The following APP variants were observed in gnomAD, a reference collection of about 807,000 sequenced individuals.
APP encodes amyloid-beta precursor protein.
In APP, 31 loss-of-function variants were observed where a neutral mutation model predicts 101.4. The observed-to-expected ratio is 0.31, with a 90% CI of 0.23 to 0.41. The LOEUF (loss-of-function observed/expected upper bound fraction) is 0.41. Among genes scored for constraint, APP ranks in the 10% least tolerant of loss-of-function variants. The pLI is 1.00. For missense variants in APP, 839 were observed against 1,003.7 expected (o/e 0.84, Z 2.22); for synonymous variants, 366 against 364.4 (o/e 1.00, Z -0.05).
intron 13 of APP, chr21:25,942,220 A>G (rs2040604581): frequency 2.0e-5 from 3 of 152,194 alleles, no homozygotes; most frequent in South Asian, 2.1e-4. Context: ...CGCATTTTCA[A>G]TGAAAAGATG....
intron 8 of APP, among the ~76,000 whole-genome samples, chr21:25,991,451 C>T (rs2042860411): frequency 6.6e-6 from 1 of 152,184 alleles, no homozygotes; most frequent in Non-Finnish European, 1.5e-5. Context: ...GATCTCAGCT[C>T]ACTGCAACCT....
At chr21:25,967,619 T>C (rs1601057791) in intron 11 of APP, among the ~76,000 whole-genome samples, 1 of 152,184 alleles carries the variant, frequency 6.6e-6, no homozygotes, top group Non-Finnish European at 1.5e-5. Context: ...TGGCCTTTGG[T>C]TTAACTGTAC....
At chr21:26,018,442 C>T (rs1249618823) in intron 6 of APP, among the ~76,000 whole-genome samples, 1 of 152,222 alleles carries the variant, frequency 6.6e-6, no homozygotes, top group Non-Finnish European at 1.5e-5. Context: ...GTTGCCATTG[C>T]TCTCAATTAG....
chr21:26,063,235 T>C (rs940436485), intron 3 of APP, among the ~76,000 whole-genome samples: 4 of 152,228 alleles, frequency 2.6e-5, no homozygotes, highest in East Asian at 1.9e-4. Context: ...TAGCTTAATA[T>C]AGACTAGATA....
At chr21:26,058,448 A>G (rs2046128772) in intron 3 of APP, among the ~76,000 whole-genome samples, 1 of 152,244 alleles carries the variant, frequency 6.6e-6, no homozygotes, top group Admixed American at 6.5e-5. Flanking sequence ...TGAATATCAA[A>G]CAGGCGAGTA....
intron 11 of APP, among the ~76,000 whole-genome samples, chr21:25,963,065 C>T (rs1010609797): frequency 6.6e-6 from 1 of 152,118 alleles, no homozygotes; most frequent in African/African-American, 2.4e-5. Flanking sequence ...CCACCTGCCT[C>T]GGCCTCCCAA....
rs552687249 is a variant in APP, at chr21:25,958,668, T to G, written c.1459-2913A>C. Among the ~76,000 whole-genome samples, 4 of 152,298 alleles carry G rather than the reference T, an allele frequency of 2.6e-5. No homozygotes were observed. In the East Asian group the frequency reaches 5.8e-4, roughly 22 times the overall value. On this transcript the variant is annotated intron_variant, in intron 11 of 17. Transcript: ENST00000346798. The stretch of plus-strand genomic sequence containing the variant: ...AATTCAGATGGCAGTATCTTTCAGA[T>G]AGTATTTGCAGATTAAATGTGTTCA...
At chr21:26,029,159 G>A (rs539106933) in intron 5 of APP, among the ~76,000 whole-genome samples, 2 of 152,282 alleles carry the variant, frequency 1.3e-5, no homozygotes, top group Admixed American at 6.5e-5. Context: ...TGGTGGTGGA[G>A]ACAGACAGGC....
At chr21:26,043,361 T>C (rs993547871) in intron 5 of APP, among the ~76,000 whole-genome samples, 10 of 152,102 alleles carry the variant, frequency 6.6e-5, no homozygotes, top group Non-Finnish European at 5.9e-5. Flanking sequence ...GTCTCCCCAG[T>C]AGCTGGGATT....
intron 1 of APP, among the ~76,000 whole-genome samples, chr21:26,161,534 C>A (rs1362864673): frequency 6.6e-6 from 1 of 152,066 alleles, no homozygotes; most frequent in African/African-American, 2.4e-5. Context: ...TGGTTGTACC[C>A]CTAAGAATCT....
At chr21:25,975,676 A>T (rs142761682) in intron 10 of APP, among the ~76,000 whole-genome samples, 1 of 152,356 alleles carries the variant, frequency 6.6e-6, no homozygotes, top group African/African-American at 2.4e-5. Context: ...AAGCAGCAGA[A>T]GATTGTGGTG....
intron 3 of APP, among the ~76,000 whole-genome samples, chr21:26,060,905 A>G (rs754000182): frequency 6.6e-6 from 1 of 152,230 alleles, no homozygotes; most frequent in Non-Finnish European, 1.5e-5. Context: ...CAGCCAGGAC[A>G]GGACAGGGAC....
At chr21:26,082,751 C>G (rs971707143) in intron 3 of APP, among the ~76,000 whole-genome samples, 2 of 152,134 alleles carry the variant, frequency 1.3e-5, no homozygotes, top group Admixed American at 1.3e-4. Flanking sequence ...GAAATCCCAT[C>G]CCCTTCAGGC....
At chr21:25,903,239 C>T (rs991564856) in intron 15 of APP, among the ~76,000 whole-genome samples, 2 of 151,260 alleles carry the variant, frequency 1.3e-5, no homozygotes, top group Admixed American at 6.6e-5. Context: ...CATGGTGGGG[C>T]GCATCTGTAG....
intron 2 of APP, among the ~76,000 whole-genome samples, chr21:26,111,087 T>TAAAAAAA (rs576900084): frequency 6.8e-4 from 60 of 88,410 alleles, no homozygotes; most frequent in African/African-American, 1.0e-3. Context: ...AAAGTTAAGT[T>TAAAAAAA]AAAAAAAAAA....
chr21:26,006,364 C>G (rs2043530369), intron 6 of APP, among the ~76,000 whole-genome samples: 1 of 152,216 alleles, frequency 6.6e-6, no homozygotes, highest in Admixed American at 6.5e-5. Context: ...GCTCACTCTT[C>G]AAGACAAAAT....
At chr21:26,032,307 C>T (rs2044864846) in intron 5 of APP, among the ~76,000 whole-genome samples, 1 of 152,162 alleles carries the variant, frequency 6.6e-6, no homozygotes, top group African/African-American at 2.4e-5. Context: ...CACAAATGCA[C>T]AAGGGATGAG....
chr21:26,088,729 T>C (rs2061755828), intron 3 of APP, among the ~76,000 whole-genome samples: 2 of 152,196 alleles, frequency 1.3e-5, no homozygotes, highest in African/African-American at 4.8e-5. Flanking sequence ...AACTGCACTT[T>C]TTGATGAACC....
intron 11 of APP, among the ~76,000 whole-genome samples, chr21:25,971,248 A>G (rs2146555190): frequency 6.6e-6 from 1 of 151,832 alleles, no homozygotes; most frequent in Admixed American, 6.6e-5. Context: ...GGGGTTCACC[A>G]TGTTGGCCAG....
Sources: gnomAD v4.1 joint callset for allele counts (sites outside exome capture counted in the v4.1 genomes callset) on GRCh38, gnomAD v4.1.1 for gene constraint, MANE v1.5 for transcripts, NCBI Gene and HGNC (gene_info 2026-07-23, HGNC 2026-07-21) for gene names.